Variants in MSRB1 observed in about 807,000 individuals in gnomAD.
MSRB1 encodes methionine sulfoxide reductase B1, also known as methionine-R-sulfoxide reductase B1.
In MSRB1, 13 loss-of-function variants were observed where a neutral mutation model predicts 15.2. The ratio of observed to expected loss-of-function variants is 0.86; its 90% CI spans 0.56 to 1.36. The LOEUF is 1.36. MSRB1 is among the 40% of genes most tolerant of loss of function. The pLI, the probability that MSRB1 is intolerant of heterozygous loss-of-function variation, is 0.00. For missense variants in MSRB1, 174 were observed against 155.9 expected, an observed-to-expected ratio of 1.12 and a Z score of -0.62; for synonymous variants, 68 against 64.5, an observed-to-expected ratio of 1.05 and a Z score of -0.26.
At chr16:1,942,788 G>T (rs1026085021) in intron 1 of MSRB1, among the ~76,000 whole-genome samples, 1 of 152,172 alleles carries the variant, frequency 6.6e-6, no homozygotes, top group Admixed American at 6.5e-5. Context: ...GAGTGTAGGG[G>T]GTAGGGAAGG....
intron 1 of MSRB1, 198 bp from the exon 2 acceptor site, chr16:1,941,603 C>T (rs1265275738): frequency 3.0e-6 from 2 of 661,282 alleles, no homozygotes; most frequent in Non-Finnish European, 5.1e-6. Flanking sequence ...AGGGGAGTCA[C>T]CTTTCACAAT....
intron 1 of MSRB1, among the ~76,000 whole-genome samples, chr16:1,942,342 G>C (rs553456984): frequency 6.6e-6 from 1 of 152,342 alleles, no homozygotes; most frequent in African/African-American, 2.4e-5. Context: ...TCCGCCCAAG[G>C]AGACCAGTGC....
Position 1,941,291 on chromosome 16 carries a change from T to C in MSRB1, c.170A>G (p.Lys57Arg). 1.9e-6 allele frequency: 3 copies of C among 1,610,870 alleles called. No individual in the cohort carries two copies. The highest frequency in any genetic ancestry group is 1.7e-4 in the Middle Eastern group (1 of 6,056). Reference sequence around the variant, plus strand: ...TTCAGATCTATTGTGCTCCGGACGCTTGGCCACGCTGTCGGCGTGAATGGT... The same window carrying C: ...TTCAGATCTATTGTGCTCCGGACGCCTGGCCACGCTGTCGGCGTGAATGGT... ...TETIHADSVA[K>R]RPEHNRSEAL... Residue 57 changes from lysine (K) to arginine (R), a missense_variant, in exon 2 of 4, where the codon AAG becomes AGG. Lys to Arg is a conservative substitution (Grantham distance 26, BLOSUM62 2). Transcript: ENST00000361871.
chr16:1,941,250 C>A lies in MSRB1; in HGVS notation c.204+7G>T. On this transcript the variant is annotated splice_region_variant and intron_variant, in intron 2 of 3. Transcript: ENST00000361871. ...CCCGTCCCTCCCCCACCCCTGTGGC[C>A]TCTCACCTTCAAGGCTTCAGATCTA... The A allele has an allele frequency of 6.2e-7, 1 of 1,613,806 alleles. No homozygotes were observed. Among genetic ancestry groups the A allele is most frequent in the South Asian group, 1.1e-5 (1 of 91,068 alleles).
At chr16:1,941,009 C>A (rs557126915) in intron 2 of MSRB1, 117 bp from the exon 3 acceptor site, 3 of 1,560,146 alleles carry the variant, frequency 1.9e-6, no homozygotes, top group Non-Finnish European at 2.6e-6. Context: ...CCAAGCTGAC[C>A]GCCGACATAA....
At chr16:1,941,203 C>A (rs2083074444) in intron 2 of MSRB1, 54 bp downstream of exon 2, 1 of 1,604,304 alleles carries the variant, frequency 6.2e-7, no homozygotes, top group Non-Finnish European at 8.5e-7. Flanking sequence ...GTGGGACTGG[C>A]TCTCTGCTCT....
intron 2 of MSRB1, 152 bp from the exon 3 acceptor site, chr16:1,941,044 C>G (rs765645165): frequency 1.9e-6 from 3 of 1,551,852 alleles, no homozygotes; most frequent in South Asian, 1.2e-5. Context: ...TCCTGGAGCC[C>G]GTACAGGAAA....
At chr16:1,940,707 C>A in intron 3 of MSRB1, 71 bp downstream of exon 3, 1 of 1,529,884 alleles carries the variant, frequency 6.5e-7, no homozygotes. Context: ...TGGACAAGCA[C>A]AAACACTGGG....
chr16:1,941,544 C>A, intron 1 of MSRB1, 139 bp from the exon 2 acceptor site: 1 of 1,222,430 alleles, frequency 8.2e-7, no homozygotes, highest in East Asian at 2.6e-5. Context: ...AGGCACCCGC[C>A]ACGGGAGGCG....
rs1206294223 is a variant in MSRB1 at position 1,943,091 on chromosome 16, G to A, written c.55+11C>T. The A allele has an allele frequency of 1.9e-6, 3 of 1,555,256 alleles. No individual in the cohort carries two copies. The highest frequency in any genetic ancestry group is 1.9e-5 in the Admixed American group (1 of 51,700). On this transcript the variant is annotated intron_variant, in intron 1 of 3. Coordinates refer to ENST00000361871, the MANE Select transcript of MSRB1 (RefSeq NM_016332.4). ...CGCGCTGCCCTCCCAGCGAGAGGCCGCAGGACCAACCAGGTTCAAAGTGAT... is the reference window on the plus strand; with the variant it reads ...CGCGCTGCCCTCCCAGCGAGAGGCCACAGGACCAACCAGGTTCAAAGTGAT...
chr16:1,941,039 G>C, intron 2 of MSRB1, 147 bp from the exon 3 acceptor site: 4 of 1,552,372 alleles, frequency 2.6e-6, no homozygotes, highest in Non-Finnish European at 3.5e-6. Context: ...CTTTGTCCTG[G>C]AGCCCGTACA....
chr16:1,940,527 C>T (rs927460610), intron 3 of MSRB1, among the ~76,000 whole-genome samples: 5 of 152,268 alleles, frequency 3.3e-5, no homozygotes, highest in Non-Finnish European at 7.3e-5. Context: ...CTGAGGAAAA[C>T]CATTTGCCAC....
intron 1 of MSRB1, chr16:1,941,677 G>A: frequency 1.9e-6 from 1 of 514,114 alleles, no homozygotes; most frequent in Non-Finnish European, 3.5e-6. Context: ...ATCTTTGCTT[G>A]GTGATGCAGA....
chr16:1,942,058 G>T, intron 1 of MSRB1: 1 of 152,344 alleles, frequency 6.6e-6, no homozygotes, highest in Non-Finnish European at 1.5e-5. Flanking sequence ...CTGTTTTAAG[G>T]ACTGAAAACA....
At chr16:1,940,739 G>A in intron 3 of MSRB1, 39 bp downstream of exon 3, 1 of 1,585,028 alleles carries the variant, frequency 6.3e-7, no homozygotes, top group Non-Finnish European at 8.6e-7. Flanking sequence ...GGGCTCAAAG[G>A]CCAACAGGCC....
At chr16:1,941,880 G>A (rs2083079833) in intron 1 of MSRB1, 1 of 164,368 alleles carries the variant, frequency 6.1e-6, no homozygotes, top group African/African-American at 2.4e-5. Context: ...GGATACCCAG[G>A]CACTGCTCTG....
Position 1,938,303 on chromosome 16 carries a change from G to A in MSRB1, c.*809C>T, listed in dbSNP as rs2083051678. 6.6e-6 allele frequency: 1 copy of A among 152,234 alleles called. No homozygotes were observed. Among genetic ancestry groups the A allele is most frequent in the East Asian group, 1.9e-4 (1 of 5,194 alleles). The allele number at this position is 152,234 out of a possible 1,614,324, so 9.4% of individuals were successfully genotyped here. On this transcript the variant is annotated 3_prime_UTR_variant, in exon 4 of 4. Coordinates refer to ENST00000361871, the MANE Select transcript of MSRB1 (RefSeq NM_016332.4). ...AAAGTAATTACTTAAGATGGGGGGTGATTTCAGCATCACCCACCCTCCTAT... is the reference window on the plus strand; with the variant it reads ...AAAGTAATTACTTAAGATGGGGGGTAATTTCAGCATCACCCACCCTCCTAT...
chr16:1,941,109 G>T, intron 2 of MSRB1, 148 bp downstream of exon 2: 1 of 1,551,560 alleles, frequency 6.4e-7, no homozygotes, highest in Middle Eastern at 1.7e-4. Flanking sequence ...GATAGCCTGG[G>T]GTGGCAGCTC....
Position 1,939,041 on chromosome 16 carries a change from A to T in MSRB1, c.*71T>A. ...TTCCTGTCTCGACGCCCAGGGTTCC[A>T]ACTCCAAGGTGGAATGGCCAACGTG... is the stretch of plus-strand genomic sequence containing the variant. On this transcript the variant is annotated 3_prime_UTR_variant, in exon 4 of 4. Transcript: ENST00000361871. The T allele has an allele frequency of 6.3e-7, 1 of 1,585,840 alleles. No homozygotes were observed. Among genetic ancestry groups the T allele is most frequent in the African/African-American group, 1.3e-5 (1 of 74,456 alleles).
Sources: allele counts gnomAD v4.1 joint callset (sites outside exome capture counted in the v4.1 genomes callset), GRCh38; gene constraint gnomAD v4.1.1; transcripts MANE v1.5; gene names NCBI Gene and HGNC (gene_info 2026-07-23, HGNC 2026-07-21).